The following MACROD2 variants were observed in gnomAD, a reference collection of about 807,000 sequenced individuals.
MACROD2 encodes ADP-ribose glycohydrolase MACROD2.
MACROD2 carries 36 observed loss-of-function variants against 70.4 expected under a neutral mutation model. The ratio of observed to expected loss-of-function variants is 0.51; its 90% CI spans 0.39 to 0.68. The LOEUF (loss-of-function observed/expected upper bound fraction) is 0.68. Among genes scored for constraint, MACROD2 ranks in the 30% least tolerant of loss-of-function variants. The pLI is 0.00. For missense variants in MACROD2, 496 were observed against 538.4 expected (o/e 0.92, Z 0.78); for synonymous variants, 172 against 178.8 (o/e 0.96, Z 0.30).
At chr20:15,517,753 G>A (rs984716492) in intron 8 of MACROD2, among the ~76,000 whole-genome samples, 5 of 152,154 alleles carry the variant, frequency 3.3e-5, no homozygotes, top group African/African-American at 9.7e-5. Context: ...TGTGCGCAGG[G>A]TCCCTTGGCC....
chr20:14,509,483 T>C (rs1389269037), intron 4 of MACROD2, among the ~76,000 whole-genome samples: 3 of 152,088 alleles, frequency 2.0e-5, no homozygotes. Flanking sequence ...CATAAAAGAA[T>C]AAGTATATGA....
chr20:15,902,399 C>A (rs2065077257), intron 10 of MACROD2, among the ~76,000 whole-genome samples: 1 of 151,976 alleles, frequency 6.6e-6, no homozygotes, highest in Admixed American at 6.5e-5. Context: ...GGGTATGTGG[C>A]ATTGGGGATT....
At chr20:14,667,296 A>G (rs969309081) in intron 4 of MACROD2, among the ~76,000 whole-genome samples, 1 of 152,066 alleles carries the variant, frequency 6.6e-6, no homozygotes, top group East Asian at 1.9e-4. Context: ...GATGTCTCCT[A>G]AATGTTCTCC....
At chr20:14,515,469 A>G (rs866095911) in intron 4 of MACROD2, among the ~76,000 whole-genome samples, 23 of 143,726 alleles carry the variant, frequency 1.6e-4, no homozygotes, top group African/African-American at 2.7e-4. Flanking sequence ...ACACACGCAC[A>G]CACACACACA....
At chr20:15,168,897 C>A (rs1053318557) in intron 5 of MACROD2, among the ~76,000 whole-genome samples, 2 of 151,992 alleles carry the variant, frequency 1.3e-5, no homozygotes, top group African/African-American at 4.8e-5. Context: ...GTGAAATAAA[C>A]CAAATCCAGA....
chr20:15,409,005 T>C (rs549739259), intron 6 of MACROD2, among the ~76,000 whole-genome samples: 1 of 152,332 alleles, frequency 6.6e-6, no homozygotes, highest in East Asian at 1.9e-4. Context: ...AAGCCTCTTT[T>C]TTTCTTTATA....
intron 6 of MACROD2, among the ~76,000 whole-genome samples, chr20:15,278,900 T>G (rs1310095917): frequency 6.6e-6 from 1 of 152,230 alleles, no homozygotes; most frequent in Admixed American, 6.5e-5. Flanking sequence ...GTTTTGCATG[T>G]GTCACAGTGT....
intron 5 of MACROD2, among the ~76,000 whole-genome samples, chr20:15,213,615 G>T (rs1411925828): frequency 2.0e-5 from 3 of 152,094 alleles, no homozygotes; most frequent in Admixed American, 1.3e-4. Flanking sequence ...TTTTGGCATG[G>T]GTAAGTTGCT....
chr20:14,954,730 ATATAAAT>A (rs1205451786), intron 5 of MACROD2, among the ~76,000 whole-genome samples: 1 of 37,062 alleles, frequency 2.7e-5, no homozygotes, highest in South Asian at 8.9e-4. Context: ...ATGTATAAAT[ATATAAAT>A]TATAAATTAT....
At chr20:14,483,496 T>G (rs1034775652) in intron 3 of MACROD2, among the ~76,000 whole-genome samples, 4 of 152,096 alleles carry the variant, frequency 2.6e-5, no homozygotes, top group Admixed American at 2.6e-4. Flanking sequence ...AACCTCCACC[T>G]CCCAGGTTCA....
chr20:15,373,813 C>A (rs1466690014), intron 6 of MACROD2, among the ~76,000 whole-genome samples: 2 of 152,158 alleles, frequency 1.3e-5, no homozygotes, highest in Non-Finnish European at 2.9e-5. Flanking sequence ...GTCCTCCAAT[C>A]CACAAACATT....
At chr20:15,775,849 GC>G (rs1241280893) in intron 8 of MACROD2, among the ~76,000 whole-genome samples, 1 of 152,028 alleles carries the variant, frequency 6.6e-6, no homozygotes, top group African/African-American at 2.4e-5. Flanking sequence ...AATAAAGTTG[GC>G]CTCCCATGAA....
At chr20:14,718,135 A>G (rs564171286) in intron 5 of MACROD2, among the ~76,000 whole-genome samples, 1 of 151,886 alleles carries the variant, frequency 6.6e-6, no homozygotes, top group East Asian at 2.0e-4. Flanking sequence ...TCTACAAAAA[A>G]TACAAAAATT....
At chr20:14,793,248 A>C (rs2123805152) in intron 5 of MACROD2, among the ~76,000 whole-genome samples, 1 of 152,146 alleles carries the variant, frequency 6.6e-6, no homozygotes, top group East Asian at 1.9e-4. Context: ...ATTAGAAATT[A>C]AACATATATA....
intron 5 of MACROD2, among the ~76,000 whole-genome samples, chr20:14,932,525 T>G (rs1175548613): frequency 6.6e-6 from 1 of 152,156 alleles, no homozygotes; most frequent in African/African-American, 2.4e-5. Flanking sequence ...ATACCCAAAT[T>G]CCAAGTGATC....
In MACROD2 at chr20:14,044,477, C is replaced by T. The variant is rs184104083; in HGVS notation, c.164-41144C>T. 5.8e-4 allele frequency among the ~76,000 whole-genome samples: 88 copies of T among 152,266 alleles called. No individual in the cohort carries two copies. The East Asian group carries it at 0.012, about 21-fold the overall frequency. ...GCTTTTATTCTCTTATTTGGCCCCA[C>T]CCACATCCTGCTGATTGGTTGGTCC... is the stretch of plus-strand genomic sequence containing the variant. On this transcript the variant is annotated intron_variant, in intron 2 of 17. Coordinates refer to ENST00000684519, the MANE Select transcript of MACROD2 (RefSeq NM_001351661.2).
At chr20:14,542,201 A>G (rs183704111) in intron 4 of MACROD2, among the ~76,000 whole-genome samples, 1 of 151,906 alleles carries the variant, frequency 6.6e-6, no homozygotes, top group South Asian at 2.1e-4. Context: ...CCCTCACCGC[A>G]CTCCTATGTA....
chr20:14,276,248 C>G (rs1422173891), intron 3 of MACROD2, among the ~76,000 whole-genome samples: 2 of 151,294 alleles, frequency 1.3e-5, no homozygotes, highest in African/African-American at 2.4e-5. Context: ...CAATGATAGA[C>G]TGGATTAAGA....
chr20:15,904,126 G>C (rs1008843011), intron 10 of MACROD2, among the ~76,000 whole-genome samples: 2 of 152,092 alleles, frequency 1.3e-5, no homozygotes, highest in African/African-American at 4.8e-5. Flanking sequence ...TCCTCACCCC[G>C]GGAAGGCCAT....
Sources: allele counts gnomAD v4.1 joint callset (sites outside exome capture counted in the v4.1 genomes callset), GRCh38; gene constraint gnomAD v4.1.1; transcripts MANE v1.5; gene names NCBI Gene and HGNC (gene_info 2026-07-23, HGNC 2026-07-21).